The following RGS22 variants were observed in gnomAD, a reference collection of about 807,000 sequenced individuals.
RGS22 encodes the protein regulator of G-protein signaling 22.
RGS22 carries 148 observed loss-of-function variants against 172.9 expected under a neutral mutation model. That is an observed-to-expected ratio of 0.86 (90% CI 0.75 to 0.98). RGS22 has a LOEUF of 0.98. Among genes scored for constraint, RGS22 ranks in the 50% least tolerant of loss-of-function variants. The probability of loss-of-function intolerance (pLI) is 0.00; values close to 1 mark genes in which losing one functional copy is unlikely to be tolerated. For missense variants in RGS22, 1,347 were observed against 1,440.8 expected, an observed-to-expected ratio of 0.93 and a Z score of 1.05; for synonymous variants, 458 against 480.2, an observed-to-expected ratio of 0.95 and a Z score of 0.60.
At chr8:100,105,739 C>T (rs1253598655) in intron 1 of RGS22, 158 bp downstream of exon 1, 4 of 618,856 alleles carry the variant, frequency 6.5e-6, no homozygotes, top group Non-Finnish European at 1.1e-5. Context: ...ACGTGAAATT[C>T]GTCATAAAAT....
chr8:100,051,458 A>ATATATAAATATATATTATATATATT (rs1821297267), intron 10 of RGS22, among the ~76,000 whole-genome samples: 1 of 108,018 alleles, frequency 9.3e-6, no homozygotes, highest in Non-Finnish European at 1.8e-5. Flanking sequence ...ATATTATATT[A>ATATATAAATATATATTATATATATT]TATATAAATA....
In RGS22 at chr8:100,094,045, A is replaced by G. The variant is rs1464501319; in HGVS notation, c.55-536T>C. Among the ~76,000 whole-genome samples, 3 of 152,196 alleles carry G rather than the reference A, an allele frequency of 2.0e-5. No individual in the cohort carries two copies. In the South Asian group the frequency reaches 6.2e-4, roughly 31 times the overall value. ...CATTTTTAAATCTGGATCCTGCTTC[A>G]CTTTTGCACGAGGAAAGTTTGACAA... On this transcript the variant is annotated intron_variant, in intron 2 of 27. Coordinates refer to ENST00000360863, the MANE Select transcript of RGS22 (RefSeq NM_015668.5).
At chr8:100,022,443 A>G (rs1312116076) in intron 14 of RGS22, among the ~76,000 whole-genome samples, 1 of 152,192 alleles carries the variant, frequency 6.6e-6, no homozygotes, top group African/African-American at 2.4e-5. Flanking sequence ...CCAGGGACAA[A>G]AAAGGCTAGG....
rs183757674 is a variant in RGS22 at position 99,962,480 on chromosome 8, C to A, written c.3791-37G>T. 51 of 1,604,462 alleles carry A rather than the reference C, an allele frequency of 3.2e-5. No homozygotes were observed. In the Admixed American group the frequency reaches 4.3e-4, roughly 14 times the overall value. ...ATGAAGTTTTATGTATATATTTAGT[C>A]TTTCCTCCTTAGCAGAGGAGAGGAA... On this transcript the variant is annotated intron_variant, in intron 26 of 27. Transcript: ENST00000360863.
intron 18 of RGS22, among the ~76,000 whole-genome samples, chr8:100,001,795 T>C (rs1815121325): frequency 6.6e-6 from 1 of 152,154 alleles, no homozygotes; most frequent in Non-Finnish European, 1.5e-5. Context: ...AACAGAAAAG[T>C]AGTAGAGATT....
chr8:100,070,160 T>C (rs975604558), intron 6 of RGS22, among the ~76,000 whole-genome samples: 7 of 152,076 alleles, frequency 4.6e-5, no homozygotes, highest in African/African-American at 1.7e-4. Context: ...TCAGAGTTCT[T>C]TTTAGGTTTC....
At chr8:100,009,826 TACTCCATCTACTGCATCTTAGACAC>T (rs1462551095) in intron 14 of RGS22, among the ~76,000 whole-genome samples, 1 of 152,158 alleles carries the variant, frequency 6.6e-6, no homozygotes, top group East Asian at 1.9e-4. Context: ...ATTTACTGAG[TACTCCATCTACTGCATCTTAGACAC>T]CTGGCTAGGT....
chr8:100,098,636 C>T (rs979601986), intron 2 of RGS22, among the ~76,000 whole-genome samples: 1 of 152,104 alleles, frequency 6.6e-6, no homozygotes, highest in Non-Finnish European at 1.5e-5. Context: ...TCACAGATTA[C>T]ATCAGTATCT....
At chr8:100,025,361 A>G (rs1356106038) in intron 14 of RGS22, among the ~76,000 whole-genome samples, 1 of 152,150 alleles carries the variant, frequency 6.6e-6, no homozygotes, top group Non-Finnish European at 1.5e-5. Flanking sequence ...ATTGCCCAGC[A>G]CTCCAGAAAC....
chr8:100,038,657 T>C, intron 14 of RGS22: 1 of 260,984 alleles, frequency 3.8e-6, no homozygotes, highest in Non-Finnish European at 7.2e-6. Flanking sequence ...AGGTATACAT[T>C]AGAAAAAAAA....
intron 9 of RGS22, among the ~76,000 whole-genome samples, chr8:100,059,656 A>G (rs1809947159): frequency 6.6e-6 from 1 of 152,168 alleles, no homozygotes; most frequent in Non-Finnish European, 1.5e-5. Context: ...TATTATTAGA[A>G]CTACAAAGAG....
chr8:100,049,353 G>A (rs916009611), intron 10 of RGS22, among the ~76,000 whole-genome samples: 1 of 152,148 alleles, frequency 6.6e-6, no homozygotes, highest in African/African-American at 2.4e-5. Flanking sequence ...CTATTCCTTA[G>A]AGTATTTTCT....
In RGS22 at chr8:99,999,436, T is replaced by C. The variant is rs779418806; in HGVS notation, c.2791-16A>G. 11 of 1,609,926 alleles carry C rather than the reference T, an allele frequency of 6.8e-6. No homozygotes were observed. The highest frequency in any genetic ancestry group is 3.4e-5 in the Admixed American group (2 of 59,040). On this transcript the variant is annotated splice_polypyrimidine_tract_variant and intron_variant, in intron 18 of 27. Coordinates refer to ENST00000360863, the MANE Select transcript of RGS22 (RefSeq NM_015668.5). ...AATGCATTACCTAAGAAAATTAAGATGGAAACAGAAACTATTGTGCTTTCT... is the reference window on the plus strand; with the variant it reads ...AATGCATTACCTAAGAAAATTAAGACGGAAACAGAAACTATTGTGCTTTCT...
chr8:100,093,910 G>A (rs951703395), intron 2 of RGS22, among the ~76,000 whole-genome samples: 2 of 152,184 alleles, frequency 1.3e-5, no homozygotes, highest in African/African-American at 2.4e-5. Flanking sequence ...ACAAGAAGCA[G>A]TGTTTGGAGC....
At chr8:100,064,695 A>C (rs183951234) in intron 7 of RGS22, among the ~76,000 whole-genome samples, 138 of 152,306 alleles carry the variant, frequency 9.1e-4, no homozygotes, top group African/African-American at 3.2e-3. Context: ...TAATATCAAT[A>C]TATAAGGGCC....
At chr8:100,097,208 G>C (rs1052402698) in intron 2 of RGS22, among the ~76,000 whole-genome samples, 5 of 152,164 alleles carry the variant, frequency 3.3e-5, no homozygotes, top group Admixed American at 6.5e-5. Flanking sequence ...CTAGGACTAT[G>C]AAAATGTTCT....
intron 4 of RGS22, among the ~76,000 whole-genome samples, chr8:100,077,953 C>G (rs1289084151): frequency 2.6e-5 from 4 of 152,270 alleles, no homozygotes; most frequent in East Asian, 1.9e-4. Context: ...GACCCTCCCC[C>G]CTTTATCATT....
intron 14 of RGS22, among the ~76,000 whole-genome samples, chr8:100,011,130 A>G (rs1025147719): frequency 6.6e-6 from 1 of 152,134 alleles, no homozygotes; most frequent in African/African-American, 2.4e-5. Context: ...TGGCTAAAGG[A>G]AAGAGGTGAA....
At chr8:100,032,889 A>G (rs1818994530) in intron 14 of RGS22, among the ~76,000 whole-genome samples, 1 of 152,240 alleles carries the variant, frequency 6.6e-6, no homozygotes, top group Non-Finnish European at 1.5e-5. Context: ...AACTACATGG[A>G]AACGGAACAA....
Sources: gnomAD v4.1 joint callset for allele counts (sites outside exome capture counted in the v4.1 genomes callset) on GRCh38, gnomAD v4.1.1 for gene constraint, MANE v1.5 for transcripts, NCBI Gene and HGNC (gene_info 2026-07-23, HGNC 2026-07-21) for gene names.